The following STAM variants were observed in gnomAD, a reference collection of about 807,000 sequenced individuals.
STAM encodes the protein signal transducing adaptor molecule.
Under a neutral mutation model 63.4 loss-of-function variants are expected in STAM, and 16 were observed. The ratio of observed to expected loss-of-function variants is 0.25; its 90% CI spans 0.17 to 0.38. The LOEUF (loss-of-function observed/expected upper bound fraction) is 0.38. Among genes scored for constraint, STAM ranks in the 10% least tolerant of loss-of-function variants. The pLI, the probability that STAM is intolerant of heterozygous loss-of-function variation, is 1.00. For synonymous variants in STAM, 238 were observed against 223.9 expected, an observed-to-expected ratio of 1.06 and a Z score of -0.56; for missense variants, 636 against 657.1, an observed-to-expected ratio of 0.97 and a Z score of 0.35.
At chr10:17,692,377 A>G (rs1180135386) in intron 5 of STAM, among the ~76,000 whole-genome samples, 1 of 152,250 alleles carries the variant, frequency 6.6e-6, no homozygotes, top group Non-Finnish European at 1.5e-5. Flanking sequence ...CAAAAGGGAA[A>G]AAGTGAACGG....
At position 17,716,612 on chromosome 10, in the gene STAM, C is replaced by G. The variant is rs76028594; in HGVS notation, c.*1832C>G. On this transcript the variant is annotated 3_prime_UTR_variant, in exon 14 of 14. Transcript: ENST00000377524. ...TTTTTCTTTGTCTTTTGATAAATTCCTGTTTACCAATGTTAAATGTATCAT... is the reference window on the plus strand; with the variant it reads ...TTTTTCTTTGTCTTTTGATAAATTCGTGTTTACCAATGTTAAATGTATCAT... Among the ~76,000 whole-genome samples the G allele has an allele frequency of 4.9e-3, 745 of 152,116 alleles. 3 individuals are homozygous for G. The highest frequency in any genetic ancestry group is 0.017 in the African/African-American group (713 of 41,498).
chr10:17,701,879 C>T (rs1284122899), intron 9 of STAM, among the ~76,000 whole-genome samples: 1 of 150,940 alleles, frequency 6.6e-6, no homozygotes, highest in Non-Finnish European at 1.5e-5. Flanking sequence ...AAAGTCATGG[C>T]TCTAATGACT....
intron 12 of STAM, among the ~76,000 whole-genome samples, chr10:17,707,642 C>T (rs890399784): frequency 3.2e-4 from 48 of 151,978 alleles, no homozygotes; most frequent in African/African-American, 1.1e-3. Flanking sequence ...GTTCAATTTT[C>T]GAAGAATGAC....
intron 1 of STAM, among the ~76,000 whole-genome samples, chr10:17,652,931 T>TA (rs1554821701): frequency 6.6e-6 from 1 of 152,222 alleles, no homozygotes. Context: ...TGTTGAATGA[T>TA]AAATAATTTG....
At chr10:17,664,692 C>G (rs1435261577) in intron 2 of STAM, among the ~76,000 whole-genome samples, 2 of 152,034 alleles carry the variant, frequency 1.3e-5, no homozygotes, top group Non-Finnish European at 2.9e-5. Context: ...TTTCCAAAGA[C>G]AAATTCAGGT....
chr10:17,707,342 G>A (rs782188254), intron 12 of STAM, among the ~76,000 whole-genome samples: 5 of 152,050 alleles, frequency 3.3e-5, no homozygotes, highest in Non-Finnish European at 5.9e-5. Context: ...CCCGGGAGGC[G>A]GAGGTTGCAG....
chr10:17,674,410 A>G (rs188489692), intron 2 of STAM, among the ~76,000 whole-genome samples: 272 of 152,216 alleles, frequency 1.8e-3, no homozygotes, highest in Non-Finnish European at 2.7e-3. Flanking sequence ...AGTGCCTGGG[A>G]CTAGGGTCAT....
chr10:17,677,285 G>GAA (rs1432916475), intron 2 of STAM, among the ~76,000 whole-genome samples: 3 of 151,846 alleles, frequency 2.0e-5, no homozygotes, highest in African/African-American at 4.8e-5. Context: ...TCACAGTTTA[G>GAA]GTTTCCTACC....
intron 1 of STAM, 53 bp from the exon 2 acceptor site, chr10:17,660,411 T>C: frequency 8.2e-7 from 1 of 1,225,650 alleles, no homozygotes; most frequent in South Asian, 1.4e-5. Flanking sequence ...TGATTATGTA[T>C]CTTTTAAAGA....
chr10:17,668,818 A>T (rs189396093), intron 2 of STAM, among the ~76,000 whole-genome samples: 1 of 151,976 alleles, frequency 6.6e-6, no homozygotes, highest in Admixed American at 6.6e-5. Flanking sequence ...ATTGCTGAAT[A>T]CTCTTCCATT....
intron 1 of STAM, among the ~76,000 whole-genome samples, chr10:17,651,367 G>A (rs1273470372): frequency 2.0e-5 from 3 of 152,196 alleles, no homozygotes; most frequent in African/African-American, 7.2e-5. Flanking sequence ...AGTAACCAAT[G>A]GATACGTTTT....
intron 1 of STAM, 97 bp downstream of exon 1, chr10:17,644,476 G>T: frequency 6.9e-7 from 1 of 1,458,758 alleles, no homozygotes; most frequent in South Asian, 1.2e-5. Flanking sequence ...CCAGGGCCAA[G>T]GAAGAGCTCG....
chr10:17,679,393 C>T (rs1834989297), intron 2 of STAM, among the ~76,000 whole-genome samples: 1 of 152,104 alleles, frequency 6.6e-6, no homozygotes, highest in Non-Finnish European at 1.5e-5. Context: ...AAGTCCTTTG[C>T]CCATTTTTGA....
rs1836741502 is a variant in STAM at position 17,714,863 on chromosome 10, T to G, written c.*83T>G. 2 of 1,300,668 alleles carry G rather than the reference T, an allele frequency of 1.5e-6. No individual in the cohort carries two copies. The highest frequency in any genetic ancestry group is 2.2e-6 in the Non-Finnish European group (2 of 901,318). 80.6% of individuals were successfully genotyped at this position (1,300,668 alleles called of 1,614,324 possible). A position where few individuals can be genotyped will look rare whatever the true frequency, so the allele number is the denominator to read the frequency against. ...GATTCATTACTATCTTAAGATGTGTTTATCCTCAGCTTATAGGAATCTCTC... is the reference window on the plus strand; with the variant it reads ...GATTCATTACTATCTTAAGATGTGTGTATCCTCAGCTTATAGGAATCTCTC... On this transcript the variant is annotated 3_prime_UTR_variant, in exon 14 of 14. Coordinates refer to ENST00000377524, the MANE Select transcript of STAM (RefSeq NM_003473.4).
chr10:17,650,092 G>C (rs1464268399), intron 1 of STAM, among the ~76,000 whole-genome samples: 1 of 152,148 alleles, frequency 6.6e-6, no homozygotes, highest in East Asian at 1.9e-4. Context: ...CATTTTTTTA[G>C]TCTGCTTTGC....
chr10:17,647,617 T>C (rs1833570384), intron 1 of STAM, among the ~76,000 whole-genome samples: 1 of 152,158 alleles, frequency 6.6e-6, no homozygotes, highest in East Asian at 1.9e-4. Flanking sequence ...GGTAGTGTGA[T>C]TTTTGGCCTA....
chr10:17,644,892 T>C (rs1329828636), intron 1 of STAM, among the ~76,000 whole-genome samples: 4 of 152,154 alleles, frequency 2.6e-5, no homozygotes, highest in Non-Finnish European at 5.9e-5. Flanking sequence ...CTCTCAAACA[T>C]GTTAGGAGCG....
In STAM at chr10:17,714,834, A is replaced by T. The variant is rs1554830650; in HGVS notation, c.*54A>T. The T allele has an allele frequency of 3.4e-6, 5 of 1,464,202 alleles. No homozygotes were observed. The African/African-American group carries it at 4.2e-5, about 12-fold the overall frequency. 90.7% of individuals were successfully genotyped at this position (1,464,202 alleles called of 1,614,324 possible). ...CCTGCTAAATGCCACTGACAATGTT[A>T]TGAGATTCATTACTATCTTAAGATG... is the stretch of plus-strand genomic sequence containing the variant. On this transcript the variant is annotated 3_prime_UTR_variant, in exon 14 of 14. Transcript: ENST00000377524.
chr10:17,649,472 A>G (rs993292119), intron 1 of STAM, among the ~76,000 whole-genome samples: 1 of 150,830 alleles, frequency 6.6e-6, no homozygotes, highest in African/African-American at 2.4e-5. Flanking sequence ...CTTTTTCTTT[A>G]TAGTACTTAG....
Sources: allele counts gnomAD v4.1 joint callset (sites outside exome capture counted in the v4.1 genomes callset), GRCh38; gene constraint gnomAD v4.1.1; transcripts MANE v1.5; gene names NCBI Gene and HGNC (gene_info 2026-07-23, HGNC 2026-07-21).